The following ROBO1 variants were observed in gnomAD, a reference collection of about 807,000 sequenced individuals.
The protein encoded by ROBO1 is roundabout homolog 1.
Under a neutral mutation model 195.9 loss-of-function variants are expected in ROBO1, and 149 were observed. That is an observed-to-expected ratio of 0.76 (90% CI 0.67 to 0.87). ROBO1 has a LOEUF of 0.87. ROBO1 is among the 40% of genes least tolerant of loss of function. ROBO1 has a pLI of 0.00. For missense variants in ROBO1, 1,933 were observed against 2,068.3 expected (o/e 0.93, Z 1.27); for synonymous variants, 816 against 733.2 (o/e 1.11, Z -1.82).
At chr3:78,806,756 A>G (rs375999961) in intron 4 of ROBO1, among the ~76,000 whole-genome samples, 12 of 152,136 alleles carry the variant, frequency 7.9e-5, no homozygotes, top group African/African-American at 2.7e-4. Context: ...AAGTAGGACA[A>G]TGTAATATTC....
chr3:79,377,737 C>G (rs2036433832), intron 2 of ROBO1, among the ~76,000 whole-genome samples: 1 of 152,216 alleles, frequency 6.6e-6, no homozygotes, highest in African/African-American at 2.4e-5. Flanking sequence ...CCTGCTGTAT[C>G]TCTCTAGCTA....
At chr3:78,991,208 T>C (rs1184433157) in intron 3 of ROBO1, among the ~76,000 whole-genome samples, 1 of 152,048 alleles carries the variant, frequency 6.6e-6, no homozygotes, top group Non-Finnish European at 1.5e-5. Flanking sequence ...AGTCCTGAGA[T>C]GGAAAAACAA....
chr3:78,684,670 T>C (rs1050184309), intron 10 of ROBO1, among the ~76,000 whole-genome samples: 1 of 151,844 alleles, frequency 6.6e-6, no homozygotes, highest in Admixed American at 6.6e-5. Flanking sequence ...GCTCTGGGAG[T>C]TGATGAAGAC....
At chr3:79,562,756 T>C (rs372050004) in intron 2 of ROBO1, among the ~76,000 whole-genome samples, 41 of 152,160 alleles carry the variant, frequency 2.7e-4, no homozygotes, top group Non-Finnish European at 5.0e-4. Flanking sequence ...CTTATTGTTT[T>C]TCTCAATATC....
At chr3:79,157,013 A>C (rs571520484) in intron 2 of ROBO1, among the ~76,000 whole-genome samples, 1 of 151,910 alleles carries the variant, frequency 6.6e-6, no homozygotes, top group Non-Finnish European at 1.5e-5. Context: ...GAAGTGCAGC[A>C]AACTGCACAC....
At chr3:78,670,765 A>C (rs1281955944) in intron 10 of ROBO1, among the ~76,000 whole-genome samples, 5 of 152,264 alleles carry the variant, frequency 3.3e-5, no homozygotes, top group African/African-American at 9.6e-5. Context: ...GAAACAAGGT[A>C]CCATACCAGC....
At chr3:79,078,445 C>T (rs1473562247) in intron 3 of ROBO1, among the ~76,000 whole-genome samples, 1 of 151,680 alleles carries the variant, frequency 6.6e-6, no homozygotes, top group Non-Finnish European at 1.5e-5. Flanking sequence ...CTGGTGACTT[C>T]AGTGGTTGAG....
At chr3:79,341,978 A>AT (rs1457785443) in intron 2 of ROBO1, among the ~76,000 whole-genome samples, 1 of 152,194 alleles carries the variant, frequency 6.6e-6, no homozygotes, top group East Asian at 1.9e-4. Flanking sequence ...TTAGGAACAA[A>AT]TGTTTATTAC....
intron 25 of ROBO1, among the ~76,000 whole-genome samples, chr3:78,630,739 A>G (rs1456557547): frequency 2.0e-5 from 3 of 152,208 alleles, no homozygotes; most frequent in African/African-American, 2.4e-5. Flanking sequence ...AGTTCTCAGC[A>G]TAAGGTGATA....
At chr3:79,384,147 C>T (rs1322901065) in intron 2 of ROBO1, among the ~76,000 whole-genome samples, 2 of 151,866 alleles carry the variant, frequency 1.3e-5, no homozygotes, top group Non-Finnish European at 2.9e-5. Flanking sequence ...TGACATTTAA[C>T]AACATTCCAG....
At chr3:78,999,756 C>T (rs576189603) in intron 3 of ROBO1, among the ~76,000 whole-genome samples, 19 of 152,096 alleles carry the variant, frequency 1.2e-4, no homozygotes, top group African/African-American at 4.1e-4. Context: ...TCTTTACAGG[C>T]ACCTGATGAG....
intron 2 of ROBO1, among the ~76,000 whole-genome samples, chr3:79,497,528 A>G (rs57793138): frequency 0.31 from 46,626 of 152,094 alleles, 7,379 homozygotes; most frequent in Non-Finnish European, 0.35. Flanking sequence ...TATAAGTGAG[A>G]CAATATTCAC....
chr3:79,618,077 G>GA (rs1226658489), intron 1 of ROBO1, among the ~76,000 whole-genome samples: 2 of 151,274 alleles, frequency 1.3e-5, no homozygotes, highest in Non-Finnish European at 2.9e-5. Context: ...CAAAAATAAA[G>GA]AAAAAAGAAT....
chr3:78,915,659 A>T (rs1461169114), intron 4 of ROBO1, among the ~76,000 whole-genome samples: 1 of 151,192 alleles, frequency 6.6e-6, no homozygotes, highest in Non-Finnish European at 1.5e-5. Flanking sequence ...TGCATTTAAA[A>T]TTCCTTCCTT....
chr3:79,208,231 T>G (rs1024775181), intron 2 of ROBO1, among the ~76,000 whole-genome samples: 1 of 152,174 alleles, frequency 6.6e-6, no homozygotes, highest in Non-Finnish European at 1.5e-5. Flanking sequence ...CTCATAAGTT[T>G]TATTTACTTA....
chr3:79,497,648 G>C (rs963839560), intron 2 of ROBO1, among the ~76,000 whole-genome samples: 2 of 152,120 alleles, frequency 1.3e-5, no homozygotes, highest in Admixed American at 6.5e-5. Flanking sequence ...TATCCCCCTT[G>C]AAACTGCGAA....
At chr3:79,361,042 A>C (rs370522544) in intron 2 of ROBO1, among the ~76,000 whole-genome samples, 1 of 152,082 alleles carries the variant, frequency 6.6e-6, no homozygotes, top group Non-Finnish European at 1.5e-5. Context: ...AACTTGATGT[A>C]CATTCTTTGT....
At chr3:78,844,287 G>A (rs565863169) in intron 4 of ROBO1, among the ~76,000 whole-genome samples, 14 of 152,140 alleles carry the variant, frequency 9.2e-5, no homozygotes, top group African/African-American at 3.1e-4. Flanking sequence ...TAAGAGAATT[G>A]TTTGTGTTTT....
At chr3:79,640,136 G>A (rs1486266427) in intron 1 of ROBO1, among the ~76,000 whole-genome samples, 1 of 151,980 alleles carries the variant, frequency 6.6e-6, no homozygotes, top group African/African-American at 2.4e-5. Flanking sequence ...ATTCTCTGTT[G>A]CACATTCTGG....
Sources: gnomAD v4.1 joint callset for allele counts (sites outside exome capture counted in the v4.1 genomes callset) on GRCh38, gnomAD v4.1.1 for gene constraint, MANE v1.5 for transcripts, NCBI Gene and HGNC (gene_info 2026-07-23, HGNC 2026-07-21) for gene names.